Variants in NBPF15 observed in about 807,000 individuals in gnomAD.
The protein encoded by NBPF15 is NBPF family member NBPF15.
NBPF15 carries 74 observed loss-of-function variants against 62.2 expected under a neutral mutation model. The ratio of observed to expected loss-of-function variants is 1.19; its 90% CI spans 0.99 to 1.44. The LOEUF is 1.44. Ranked by LOEUF, NBPF15 falls within the 40% of genes most tolerant of loss-of-function variation. The pLI is 0.00. For missense variants in NBPF15, 790 were observed against 550.0 expected (o/e 1.44, Z -4.36); for synonymous variants, 244 against 209.7 (o/e 1.16, Z -1.41).
At chr1:144,431,862 T>C (rs1674607466) in intron 13 of NBPF15, among the ~76,000 whole-genome samples, 2 of 144,122 alleles carry the variant, frequency 1.4e-5, no homozygotes, top group Admixed American at 7.1e-5. Flanking sequence ...ATGGTGTATA[T>C]GTGCCACATT....
intron 6 of NBPF15, among the ~76,000 whole-genome samples, chr1:144,447,871 G>A (rs200792815): frequency 6.6e-6 from 1 of 152,040 alleles, no homozygotes; most frequent in Admixed American, 6.6e-5. Context: ...ATGGGTTGAA[G>A]AGTACACAGA....
chr1:144,457,470 G>A (rs1274517416), intron 3 of NBPF15, among the ~76,000 whole-genome samples: 1 of 152,016 alleles, frequency 6.6e-6, no homozygotes, highest in Non-Finnish European at 1.5e-5. Flanking sequence ...CAGGTTGACT[G>A]TGACTCTGCT....
chr1:144,461,059 G>T (rs1370008038), intron 1 of NBPF15, 98 bp from the exon 2 acceptor site: 1 of 150,738 alleles, frequency 6.6e-6, no homozygotes, highest in Non-Finnish European at 1.5e-5. Context: ...GTCCCCAGAG[G>T]CAACCGATTT....
At chr1:144,455,089 G>GAGGA (rs142085487) in intron 4 of NBPF15, among the ~76,000 whole-genome samples, 15,448 of 139,862 alleles carry the variant, frequency 0.11, 984 homozygotes, top group Admixed American at 0.17. Context: ...GGGAAGGAAG[G>GAGGA]AGGAAGGAAG....
intron 8 of NBPF15, among the ~76,000 whole-genome samples, chr1:144,438,284 G>T (rs1680147521): frequency 6.7e-6 from 1 of 150,326 alleles, no homozygotes; most frequent in South Asian, 2.1e-4. Flanking sequence ...TTGACAAGAT[G>T]ATTCAACCAC....
intron 6 of NBPF15, among the ~76,000 whole-genome samples, chr1:144,445,145 C>A (rs1686365872): frequency 6.6e-6 from 1 of 151,174 alleles, no homozygotes; most frequent in Admixed American, 6.6e-5. Flanking sequence ...TGCTAACTGA[C>A]CATTCATGTA....
At position 144,423,268 on chromosome 1, in the gene NBPF15, G is replaced by C. The variant is rs782477614; in HGVS notation, c.1770-12C>G. The C allele has an allele frequency of 4.1e-5, 66 of 1,611,080 alleles. 1 individual carries two copies. The South Asian group carries it at 7.1e-4, about 17-fold the overall frequency. ...GCACGCCGTAGAGCCTGGAAAAGGAGACAAAACTAAAGAAGCAGCCAGGGA... is the reference window on the plus strand; with the variant it reads ...GCACGCCGTAGAGCCTGGAAAAGGACACAAAACTAAAGAAGCAGCCAGGGA... On this transcript the variant is annotated splice_polypyrimidine_tract_variant and intron_variant, in intron 21 of 21. Coordinates refer to ENST00000581897, the MANE Select transcript of NBPF15 (RefSeq NM_001385408.1).
At chr1:144,448,119 C>A (rs1688863526) in intron 6 of NBPF15, among the ~76,000 whole-genome samples, 2 of 152,012 alleles carry the variant, frequency 1.3e-5, no homozygotes, top group Admixed American at 6.6e-5. Context: ...AAAAGAAATT[C>A]TTCACCACAA....
intron 21 of NBPF15, 40 bp from the exon 22 acceptor site, chr1:144,423,296 A>T (rs1178702564): frequency 6.2e-7 from 1 of 1,611,558 alleles, no homozygotes; most frequent in Non-Finnish European, 8.5e-7. Context: ...GCCAGGGAAA[A>T]TCAGACACCA....
chr1:144,423,610 T>A (rs1553538713), intron 21 of NBPF15, among the ~76,000 whole-genome samples: 4 of 152,000 alleles, frequency 2.6e-5, no homozygotes, highest in African/African-American at 7.2e-5. Flanking sequence ...TAGTTTTCCA[T>A]AAAATATGCT....
chr1:144,435,401 C>T (rs1425102809), intron 11 of NBPF15, 85 bp from the exon 12 acceptor site: 192 of 1,419,306 alleles, frequency 1.4e-4, no homozygotes, highest in Non-Finnish European at 1.6e-4. Flanking sequence ...TTTTGACAGG[C>T]GGCATTAAGA....
Position 144,427,988 on chromosome 1 carries a change from A to G in NBPF15, c.1043T>C (p.Leu348Pro). The change falls in exon 16 of 22, where the codon CTC becomes CCC. Residue 348 changes from leucine (L) to proline (P), a missense_variant and splice_region_variant. Coordinates refer to ENST00000581897, the MANE Select transcript of NBPF15 (RefSeq NM_001385408.1). ...TTTCTCATCCAGCAGCTCCCTGCTGAGCCTGGAAAAGTGGGAAAAAGTAAA... is the reference window on the plus strand; with the variant it reads ...TTTCTCATCCAGCAGCTCCCTGCTGGGCCTGGAAAAGTGGGAAAAAGTAAA... ...KEDQEATGPR[L>P]SRELLDEKEP... is the part of the protein sequence containing the mutation. 2 of 748,626 alleles carry G rather than the reference A, an allele frequency of 2.7e-6. No individual in the cohort carries two copies. Among genetic ancestry groups the G allele is most frequent in the Non-Finnish European group, 5.0e-6 (2 of 403,156 alleles). The allele number at this position is 748,626 out of a possible 1,614,324, so 46.4% of individuals were successfully genotyped here.
At chr1:144,427,204 G>C in intron 16 of NBPF15, 106 bp from the exon 17 acceptor site, 1 of 656,514 alleles carries the variant, frequency 1.5e-6, no homozygotes. Flanking sequence ...CTCAGCATGA[G>C]AATAGGACAC....
At chr1:144,425,085 C>CAG (rs1668708195) in intron 19 of NBPF15, among the ~76,000 whole-genome samples, 2 of 144,356 alleles carry the variant, frequency 1.4e-5, no homozygotes, top group African/African-American at 5.4e-5. Context: ...CACACACACA[C>CAG]ACACACACAC....
At chr1:144,424,192 T>G (rs1271382102) in intron 20 of NBPF15, among the ~76,000 whole-genome samples, 5 of 152,050 alleles carry the variant, frequency 3.3e-5, no homozygotes, top group Non-Finnish European at 7.4e-5. Flanking sequence ...TTCTAGTAGA[T>G]CGTTATCCCA....
At chr1:144,447,481 C>A (rs587752372) in intron 6 of NBPF15, among the ~76,000 whole-genome samples, 4 of 151,862 alleles carry the variant, frequency 2.6e-5, no homozygotes, top group Admixed American at 6.6e-5. Context: ...CAGGCTCCAT[C>A]GGGTGCCCCC....
intron 13 of NBPF15, among the ~76,000 whole-genome samples, chr1:144,431,836 A>G (rs1219636565): frequency 4.9e-5 from 7 of 142,496 alleles, no homozygotes; most frequent in Non-Finnish European, 1.5e-5. Context: ...CATTTTTTAT[A>G]GCTGCATAGT....
chr1:144,429,677 C>T, intron 14 of NBPF15, 23 bp downstream of exon 14: 1 of 597,368 alleles, frequency 1.7e-6, no homozygotes, highest in South Asian at 2.0e-5. Flanking sequence ...GGAGCTTTAT[C>T]ACCTTCACAA....
intron 13 of NBPF15, among the ~76,000 whole-genome samples, chr1:144,432,734 G>A (rs1553540424): frequency 6.6e-6 from 1 of 151,906 alleles, no homozygotes; most frequent in African/African-American, 2.4e-5. Context: ...AATGGTAAAG[G>A]GATCAATTCA....
Sources: gnomAD v4.1 joint callset for allele counts (sites outside exome capture counted in the v4.1 genomes callset) on GRCh38, gnomAD v4.1.1 for gene constraint, MANE v1.5 for transcripts, NCBI Gene and HGNC (gene_info 2026-07-23, HGNC 2026-07-21) for gene names.